LRRTM4: variants seen among roughly 807,000 people sequenced by gnomAD.
The protein encoded by LRRTM4 is leucine rich repeat transmembrane neuronal 4.
In LRRTM4, 25 loss-of-function variants were observed where a neutral mutation model predicts 47.6. The observed-to-expected ratio is 0.53, with a 90% confidence interval of 0.38 to 0.73. The LOEUF is 0.73. LRRTM4 is among the 30% of genes least tolerant of loss of function. The pLI is 0.00. For synonymous variants in LRRTM4, 311 were observed against 269.5 expected, an observed-to-expected ratio of 1.15 and a Z score of -1.51; for missense variants, 638 against 713.4, an observed-to-expected ratio of 0.89 and a Z score of 1.20.
intron 3 of LRRTM4, among the ~76,000 whole-genome samples, chr2:77,128,405 G>C (rs932080311): frequency 7.2e-5 from 11 of 151,786 alleles, no homozygotes; most frequent in African/African-American, 2.7e-4. Flanking sequence ...CAGATAGATA[G>C]ATAGATAGAT....
chr2:77,313,806 A>G (rs1481376765), intron 3 of LRRTM4, among the ~76,000 whole-genome samples: 4 of 152,182 alleles, frequency 2.6e-5, no homozygotes, highest in African/African-American at 4.8e-5. Flanking sequence ...CTAAACATCA[A>G]TGATTCTTCA....
chr2:77,248,572 GAC>G (rs895949432), intron 3 of LRRTM4, among the ~76,000 whole-genome samples: 8 of 151,918 alleles, frequency 5.3e-5, no homozygotes, highest in African/African-American at 1.9e-4. Context: ...ACAGATAAAA[GAC>G]ACTGAATAGC....
intron 3 of LRRTM4, among the ~76,000 whole-genome samples, chr2:76,856,018 T>G (rs1271213819): frequency 6.6e-6 from 1 of 152,208 alleles, no homozygotes; most frequent in African/African-American, 2.4e-5. Flanking sequence ...GGCTCATGCC[T>G]GTAATCCCAG....
chr2:76,943,387 G>C (rs2103867403), intron 3 of LRRTM4, among the ~76,000 whole-genome samples: 1 of 152,216 alleles, frequency 6.6e-6, no homozygotes, highest in East Asian at 1.9e-4. Flanking sequence ...AGTGGGCGGA[G>C]ATCGCACCAC....
chr2:77,003,867 C>T (rs1677531687), intron 3 of LRRTM4, among the ~76,000 whole-genome samples: 1 of 152,034 alleles, frequency 6.6e-6, no homozygotes, highest in South Asian at 2.1e-4. Context: ...ATGGTTTTGA[C>T]CAAAAAGCTA....
At chr2:77,087,987 G>A (rs1449577539) in intron 3 of LRRTM4, among the ~76,000 whole-genome samples, 6 of 152,116 alleles carry the variant, frequency 3.9e-5, no homozygotes, top group Non-Finnish European at 4.4e-5. Flanking sequence ...CCCCAGAGAT[G>A]CACAGGTGAA....
chr2:77,434,811 AAATAT>A, intron 3 of LRRTM4, among the ~76,000 whole-genome samples: 1 of 152,194 alleles, frequency 6.6e-6, no homozygotes, highest in South Asian at 2.1e-4. Context: ...AATAAAATTC[AAATAT>A]ATTCACACCA....
chr2:76,881,232 A>G (rs1336947326), intron 3 of LRRTM4, among the ~76,000 whole-genome samples: 4 of 152,170 alleles, frequency 2.6e-5, no homozygotes, highest in Non-Finnish European at 5.9e-5. Flanking sequence ...TAAAAGTATC[A>G]GCTCAAACAC....
intron 3 of LRRTM4, among the ~76,000 whole-genome samples, chr2:77,407,725 A>T (rs1674269535): frequency 7.1e-6 from 1 of 141,188 alleles, no homozygotes; most frequent in Non-Finnish European, 1.5e-5. Context: ...ATATTATATT[A>T]TATATTATAT....
chr2:77,432,323 C>T (rs72811219), intron 3 of LRRTM4, among the ~76,000 whole-genome samples: 13,564 of 152,240 alleles, frequency 0.089, 813 homozygotes, highest in East Asian at 0.27. Context: ...GGATCCCTCA[C>T]CTCTTGACAC....
chr2:77,050,919 C>T (rs1268202692), intron 3 of LRRTM4, among the ~76,000 whole-genome samples: 1 of 151,934 alleles, frequency 6.6e-6, no homozygotes, highest in Non-Finnish European at 1.5e-5. Flanking sequence ...CAGTCATATA[C>T]TCTCTAAGTA....
intron 3 of LRRTM4, among the ~76,000 whole-genome samples, chr2:77,403,996 T>C (rs1247033886): frequency 3.3e-5 from 5 of 151,928 alleles, no homozygotes; most frequent in African/African-American, 1.2e-4. Flanking sequence ...GTCTCATAAA[T>C]ACAATAAAAT....
rs146598800 is a variant in LRRTM4 at position 76,963,115 on chromosome 2, T to C, written c.1552-214199A>G. ...TCAATGTAATTATTTAATTGATCAATAAATGAAAATTTTCAACTTAATGAC... is the reference window on the plus strand; with the variant it reads ...TCAATGTAATTATTTAATTGATCAACAAATGAAAATTTTCAACTTAATGAC... On this transcript the variant is annotated intron_variant, in intron 3 of 3. Transcript: ENST00000409884. Among the ~76,000 whole-genome samples the C allele has an allele frequency of 8.6e-3, 1,306 of 151,096 alleles. 23 individuals carry two copies. Among genetic ancestry groups the C allele is most frequent in the African/African-American group, 0.03 (1,229 of 41,454 alleles).
At chr2:77,520,539 C>T (rs1340271384) in intron 2 of LRRTM4, among the ~76,000 whole-genome samples, 1 of 151,988 alleles carries the variant, frequency 6.6e-6, no homozygotes, top group Non-Finnish European at 1.5e-5. Context: ...GGCTCCCTGC[C>T]CAACGATACA....
chr2:76,880,362 C>T (rs1469917792), intron 3 of LRRTM4, among the ~76,000 whole-genome samples: 2 of 152,160 alleles, frequency 1.3e-5, no homozygotes, highest in African/African-American at 4.8e-5. Flanking sequence ...GACCCTTCAC[C>T]AGCTAAAAGA....
At chr2:77,132,923 G>A (rs1671841001) in intron 3 of LRRTM4, among the ~76,000 whole-genome samples, 1 of 152,060 alleles carries the variant, frequency 6.6e-6, no homozygotes, top group Non-Finnish European at 1.5e-5. Flanking sequence ...GGAGGAGGAA[G>A]AAGATAGATA....
At chr2:77,219,457 T>C (rs1003488475) in intron 3 of LRRTM4, among the ~76,000 whole-genome samples, 2 of 151,912 alleles carry the variant, frequency 1.3e-5, no homozygotes, top group South Asian at 4.1e-4. Flanking sequence ...TCAGGAAACA[T>C]ACAGGAAAAA....
chr2:77,305,288 G>T (rs983074814), intron 3 of LRRTM4, among the ~76,000 whole-genome samples: 1 of 151,366 alleles, frequency 6.6e-6, no homozygotes, highest in South Asian at 2.1e-4. Flanking sequence ...AATCCTATAC[G>T]CTGTAATTTT....
intron 3 of LRRTM4, among the ~76,000 whole-genome samples, chr2:77,188,589 C>G (rs1470250198): frequency 6.6e-6 from 1 of 152,172 alleles, no homozygotes; most frequent in Non-Finnish European, 1.5e-5. Context: ...CCTTTAGATG[C>G]TTCATCCACA....
Sources: allele counts gnomAD v4.1 joint callset (sites outside exome capture counted in the v4.1 genomes callset), GRCh38; gene constraint gnomAD v4.1.1; transcripts MANE v1.5; gene names NCBI Gene and HGNC (gene_info 2026-07-23, HGNC 2026-07-21).